COLQ: variants seen among roughly 807,000 people sequenced by gnomAD.
COLQ encodes acetylcholinesterase collagenic tail peptide.
COLQ carries 48 observed loss-of-function variants against 69.0 expected under a neutral mutation model. The ratio of observed to expected loss-of-function variants is 0.70; its 90% CI spans 0.55 to 0.88. The LOEUF (loss-of-function observed/expected upper bound fraction) is 0.88, where lower values mean the gene tolerates loss of function less well. Among genes scored for constraint, COLQ ranks in the 40% least tolerant of loss-of-function variants. The pLI is 0.00. For synonymous variants in COLQ, 217 were observed against 211.2 expected, an observed-to-expected ratio of 1.03 and a Z score of -0.24; for missense variants, 618 against 594.6, an observed-to-expected ratio of 1.04 and a Z score of -0.41.
At chr3:15,520,753 G>A (rs911006280) in intron 1 of COLQ, among the ~76,000 whole-genome samples, 3 of 152,294 alleles carry the variant, frequency 2.0e-5, no homozygotes, top group African/African-American at 7.2e-5. Flanking sequence ...AAGGGCAACA[G>A]GCTGCTGACC....
chr3:15,451,244 C>A lies in COLQ; in HGVS notation c.*400G>T. The A allele has an allele frequency of 3.4e-6, 1 of 297,562 alleles. No individual in the cohort carries two copies. The highest frequency in any genetic ancestry group is 3.7e-5 in the South Asian group (1 of 27,144). The allele number at this position is 297,562 out of a possible 1,614,324, so 18.4% of individuals were successfully genotyped here. ...GTTTCGGTGGTCAGGGGCGGAGAGG[C>A]CTGTACTCCAGATTCCCCAAAGAGA... On this transcript the variant is annotated 3_prime_UTR_variant, in exon 17 of 17. Transcript: ENST00000383788.
chr3:15,453,252 C>A (rs73146107), intron 16 of COLQ, among the ~76,000 whole-genome samples: 9,936 of 152,258 alleles, frequency 0.065, 563 homozygotes, highest in African/African-American at 0.15. Flanking sequence ...TCCTGAACAA[C>A]ATAAATAGCC....
intron 6 of COLQ, among the ~76,000 whole-genome samples, chr3:15,476,283 A>G (rs553989170): frequency 1.3e-5 from 2 of 152,372 alleles, no homozygotes; most frequent in Admixed American, 6.5e-5. Flanking sequence ...TGCTCCAAAC[A>G]TACTTTAACA....
intron 12 of COLQ, among the ~76,000 whole-genome samples, chr3:15,464,329 C>G (rs1173960029): frequency 6.6e-6 from 1 of 152,174 alleles, no homozygotes; most frequent in Non-Finnish European, 1.5e-5. Context: ...ACAGCAGCCA[C>G]CAGGTATCTG....
intron 14 of COLQ, 126 bp from the exon 15 acceptor site, chr3:15,456,145 G>C (rs996172236): frequency 9.5e-6 from 11 of 1,163,134 alleles, no homozygotes; most frequent in Non-Finnish European, 1.4e-5. Flanking sequence ...CCCAGGGGTG[G>C]GAAAGGTACT....
Position 15,451,514 on chromosome 3 carries a change from A to C in COLQ, c.*130T>G. The C allele has an allele frequency of 1.2e-6, 1 of 852,908 alleles. No individual in the cohort carries two copies. Among genetic ancestry groups the C allele is most frequent in the Non-Finnish European group, 2.1e-6 (1 of 486,618 alleles). 52.8% of individuals were successfully genotyped at this position (852,908 alleles called of 1,614,324 possible). ...GACTGAGTTAACAGCATGTCTTAGT[A>C]GCAGGAATTTGTCCTTGTTTTTGTC... On this transcript the variant is annotated 3_prime_UTR_variant, in exon 17 of 17. Transcript: ENST00000383788.
intron 10 of COLQ, among the ~76,000 whole-genome samples, chr3:15,471,861 A>G (rs2125111463): frequency 6.6e-6 from 1 of 152,226 alleles, no homozygotes; most frequent in South Asian, 2.1e-4. Flanking sequence ...GTGTGAGAGG[A>G]TAGGATGGAT....
chr3:15,517,135 CCT>C (rs1401549219), intron 1 of COLQ, among the ~76,000 whole-genome samples: 2 of 152,080 alleles, frequency 1.3e-5, no homozygotes, highest in African/African-American at 4.8e-5. Context: ...AGAGCGAGAC[CCT>C]GTCTCGAAAA....
intron 1 of COLQ, chr3:15,498,828 G>C: frequency 1.4e-6 from 2 of 1,440,176 alleles, no homozygotes; most frequent in East Asian, 2.6e-5. Context: ...ACTGCTGTAG[G>C]GGAGGCTTGG....
chr3:15,467,484 T>G (rs956322132), intron 11 of COLQ, among the ~76,000 whole-genome samples: 1 of 152,232 alleles, frequency 6.6e-6, no homozygotes, highest in Non-Finnish European at 1.5e-5. Flanking sequence ...AAGTCTTGGT[T>G]TATTAAAAAG....
chr3:15,492,693 G>C (rs987948871), intron 1 of COLQ, among the ~76,000 whole-genome samples: 3 of 151,864 alleles, frequency 2.0e-5, no homozygotes, highest in East Asian at 1.9e-4. Flanking sequence ...CTGTGTAAAA[G>C]AGAATTCAGT....
chr3:15,516,853 A>G (rs1169076500), intron 1 of COLQ, among the ~76,000 whole-genome samples: 1 of 152,210 alleles, frequency 6.6e-6, no homozygotes, highest in East Asian at 1.9e-4. Flanking sequence ...AGGGAATGGA[A>G]AATAAAGAAT....
At chr3:15,506,933 C>T (rs2062919427) in intron 1 of COLQ, 2 of 152,200 alleles carry the variant, frequency 1.3e-5, no homozygotes, top group Non-Finnish European at 2.9e-5. Flanking sequence ...AGAAATTATT[C>T]TGTAACTACA....
intron 2 of COLQ, among the ~76,000 whole-genome samples, chr3:15,488,903 C>A (rs2062620007): frequency 6.6e-6 from 1 of 152,216 alleles, no homozygotes; most frequent in African/African-American, 2.4e-5. Flanking sequence ...CAGATAGCTA[C>A]ATATGGCTAG....
At chr3:15,516,976 T>C (rs573274070) in intron 1 of COLQ, among the ~76,000 whole-genome samples, 1 of 152,242 alleles carries the variant, frequency 6.6e-6, no homozygotes, top group Non-Finnish European at 1.5e-5. Context: ...ACCCCATCTC[T>C]ACTAAAAATA....
At chr3:15,516,929 G>A (rs984727678) in intron 1 of COLQ, among the ~76,000 whole-genome samples, 2 of 152,186 alleles carry the variant, frequency 1.3e-5, no homozygotes, top group African/African-American at 4.8e-5. Flanking sequence ...ATCACTTGAG[G>A]TCAGGAGTTC....
chr3:15,461,625 C>T (rs1370330646), intron 12 of COLQ, among the ~76,000 whole-genome samples: 1 of 152,150 alleles, frequency 6.6e-6, no homozygotes, highest in Admixed American at 6.5e-5. Context: ...GCACAACAAC[C>T]TCTAGGGCCG....
intron 3 of COLQ, among the ~76,000 whole-genome samples, chr3:15,483,190 G>GT (rs1209941656): frequency 1.3e-5 from 2 of 151,990 alleles, no homozygotes; most frequent in Admixed American, 1.3e-4. Context: ...TTTTTGAAGG[G>GT]TTTTTTCGTG....
intron 1 of COLQ, among the ~76,000 whole-genome samples, chr3:15,515,669 G>C (rs1431769294): frequency 2.6e-5 from 4 of 152,112 alleles, no homozygotes; most frequent in Admixed American, 2.0e-4. Context: ...AACTGGGCGT[G>C]GTGGTGGGAG....
Sources: gnomAD v4.1 joint callset for allele counts (sites outside exome capture counted in the v4.1 genomes callset) on GRCh38, gnomAD v4.1.1 for gene constraint, MANE v1.5 for transcripts, NCBI Gene and HGNC (gene_info 2026-07-23, HGNC 2026-07-21) for gene names.